Variants in ZFAND3 observed in about 807,000 individuals in gnomAD.
ZFAND3 encodes AN1-type zinc finger protein 3.
ZFAND3 carries 10 observed loss-of-function variants against 29.6 expected under a neutral mutation model. The ratio of observed to expected loss-of-function variants is 0.34; its 90% CI spans 0.21 to 0.57. The LOEUF (loss-of-function observed/expected upper bound fraction) is 0.57. Ranked by LOEUF, ZFAND3 falls within the 20% of genes least tolerant of loss-of-function variation. The pLI, the probability that ZFAND3 is intolerant of heterozygous loss-of-function variation, is 0.86. For missense variants in ZFAND3, 230 were observed against 304.5 expected (o/e 0.76, Z 1.82); for synonymous variants, 128 against 112.6 (o/e 1.14, Z -0.87).
intron 1 of ZFAND3, among the ~76,000 whole-genome samples, chr6:37,910,295 A>G (rs1216232870): frequency 6.6e-6 from 1 of 151,900 alleles, no homozygotes; most frequent in Non-Finnish European, 1.5e-5. Flanking sequence ...AACACATACT[A>G]GTTTAAAATG....
intron 2 of ZFAND3, among the ~76,000 whole-genome samples, chr6:37,979,873 A>G (rs1376798809): frequency 6.6e-6 from 1 of 152,112 alleles, no homozygotes; most frequent in Non-Finnish European, 1.5e-5. Context: ...TCTGCTGAGT[A>G]GGACCAGCTA....
chr6:37,906,679 A>T (rs1008379352), intron 1 of ZFAND3, among the ~76,000 whole-genome samples: 11 of 147,906 alleles, frequency 7.4e-5, no homozygotes, highest in Non-Finnish European at 1.6e-4. Flanking sequence ...TTCTCCACAT[A>T]CTGGCCAACA....
At chr6:37,881,635 C>T (rs991523193) in intron 1 of ZFAND3, among the ~76,000 whole-genome samples, 1 of 152,126 alleles carries the variant, frequency 6.6e-6, no homozygotes, top group Admixed American at 6.5e-5. Flanking sequence ...TTTCAGATCT[C>T]CTTAGCCAAA....
intron 5 of ZFAND3, among the ~76,000 whole-genome samples, chr6:38,124,815 G>A (rs995019759): frequency 5.9e-5 from 9 of 152,226 alleles, no homozygotes; most frequent in African/African-American, 1.7e-4. Flanking sequence ...CAGAGCGGAC[G>A]CTGAGGCCGA....
At chr6:38,008,061 A>G (rs1763081789) in intron 2 of ZFAND3, among the ~76,000 whole-genome samples, 2 of 152,224 alleles carry the variant, frequency 1.3e-5, no homozygotes, top group African/African-American at 2.4e-5. Context: ...GGTGATTCAC[A>G]TGCATAGCAG....
intron 1 of ZFAND3, among the ~76,000 whole-genome samples, chr6:37,834,750 A>G (rs1763933080): frequency 6.8e-6 from 1 of 146,168 alleles, no homozygotes; most frequent in Non-Finnish European, 1.5e-5. Flanking sequence ...ATCATTATGC[A>G]TATATAATGA....
chr6:37,976,716 G>A (rs13214465), intron 2 of ZFAND3, among the ~76,000 whole-genome samples: 45,296 of 151,918 alleles, frequency 0.3, 7,456 homozygotes, highest in Non-Finnish European at 0.38. Flanking sequence ...GAAGGCAAAG[G>A]AGAAGTGAGG....
intron 2 of ZFAND3, among the ~76,000 whole-genome samples, chr6:38,035,329 C>G (rs1348416286): frequency 6.6e-6 from 1 of 152,104 alleles, no homozygotes; most frequent in Non-Finnish European, 1.5e-5. Context: ...GCATTTTTCT[C>G]TAAACTTCTT....
At chr6:38,115,667 A>G (rs547965182) in intron 4 of ZFAND3, among the ~76,000 whole-genome samples, 2 of 152,136 alleles carry the variant, frequency 1.3e-5, no homozygotes, top group East Asian at 1.9e-4. Flanking sequence ...AGCACAAACA[A>G]TTTGGAACTT....
intron 1 of ZFAND3, among the ~76,000 whole-genome samples, chr6:37,821,849 T>G (rs763596498): frequency 5.3e-5 from 8 of 152,206 alleles, no homozygotes; most frequent in Non-Finnish European, 1.2e-4. Flanking sequence ...TTTATTTATT[T>G]TTGAGTCGGA....
chr6:38,082,519 T>C, intron 4 of ZFAND3, 62 bp downstream of exon 4: 1 of 1,486,300 alleles, frequency 6.7e-7, no homozygotes, highest in Non-Finnish European at 9.3e-7. Flanking sequence ...AGTTAGCAAC[T>C]GGTTCTAACT....
intron 2 of ZFAND3, among the ~76,000 whole-genome samples, chr6:37,981,739 C>G (rs572181539): frequency 6.6e-6 from 1 of 151,726 alleles, no homozygotes; most frequent in African/African-American, 2.4e-5. Flanking sequence ...TTGTGTAAAC[C>G]GAAGAGTGTC....
chr6:38,060,110 G>A (rs1218697132), intron 2 of ZFAND3, among the ~76,000 whole-genome samples: 2 of 152,124 alleles, frequency 1.3e-5, no homozygotes, highest in East Asian at 3.9e-4. Flanking sequence ...GAAAATACGG[G>A]ATGCTAAACC....
chr6:38,084,118 G>A (rs900225858), intron 4 of ZFAND3, among the ~76,000 whole-genome samples: 2 of 152,108 alleles, frequency 1.3e-5, no homozygotes, highest in Non-Finnish European at 2.9e-5. Flanking sequence ...TAAAGCCTGC[G>A]CTGTTTTCCC....
intron 1 of ZFAND3, among the ~76,000 whole-genome samples, chr6:37,886,732 C>T (rs764247324): frequency 6.6e-5 from 10 of 152,134 alleles, no homozygotes; most frequent in Non-Finnish European, 1.3e-4. Context: ...TGGTGGTTCA[C>T]GCCTGTAATC....
intron 2 of ZFAND3, among the ~76,000 whole-genome samples, chr6:38,026,838 C>T (rs977599159): frequency 1.3e-5 from 2 of 152,116 alleles, no homozygotes; most frequent in Admixed American, 1.3e-4. Flanking sequence ...GTATCTCCCT[C>T]AAGGTTTGGG....
intron 2 of ZFAND3, among the ~76,000 whole-genome samples, chr6:38,052,146 A>C (rs139917930): frequency 3.3e-5 from 5 of 152,320 alleles, no homozygotes; most frequent in Admixed American, 6.5e-5. Flanking sequence ...CTGTTTTTGC[A>C]AGACACATTT....
At chr6:37,842,116 A>C (rs572413372) in intron 1 of ZFAND3, among the ~76,000 whole-genome samples, 31 of 152,232 alleles carry the variant, frequency 2.0e-4, no homozygotes, top group Admixed American at 8.5e-4. Flanking sequence ...TGCCTTAATA[A>C]CTTAGTTACC....
chr6:38,080,465 G>A (rs1482039517), intron 3 of ZFAND3, among the ~76,000 whole-genome samples: 2 of 152,038 alleles, frequency 1.3e-5, no homozygotes, highest in African/African-American at 4.8e-5. Flanking sequence ...AAAATCAAGT[G>A]GAAGAGAAAG....
Sources: gnomAD v4.1 joint callset for allele counts (sites outside exome capture counted in the v4.1 genomes callset) on GRCh38, gnomAD v4.1.1 for gene constraint, MANE v1.5 for transcripts, NCBI Gene and HGNC (gene_info 2026-07-23, HGNC 2026-07-21) for gene names.